The following CFAP77 variants were observed in gnomAD, a reference collection of about 807,000 sequenced individuals.
The protein encoded by CFAP77 is cilia and flagella associated protein 77.
CFAP77 carries 25 observed loss-of-function variants against 31.1 expected under a neutral mutation model. The ratio of observed to expected loss-of-function variants is 0.80; its 90% CI spans 0.59 to 1.12. The LOEUF (loss-of-function observed/expected upper bound fraction) is 1.12. CFAP77 is among the 50% of genes most tolerant of loss of function. CFAP77 has a pLI of 0.00. For synonymous variants in CFAP77, 151 were observed against 159.9 expected (o/e 0.94, Z 0.42); for missense variants, 377 against 397.3 (o/e 0.95, Z 0.44).
chr9:132,505,261 C>A (rs991806697), intron 3 of CFAP77, among the ~76,000 whole-genome samples: 5 of 152,232 alleles, frequency 3.3e-5, no homozygotes, highest in African/African-American at 1.2e-4. Context: ...GGTGCACCCC[C>A]TCTTCTCCAC....
chr9:132,479,614 C>T (rs1851412748), intron 1 of CFAP77, among the ~76,000 whole-genome samples: 1 of 152,212 alleles, frequency 6.6e-6, no homozygotes, highest in Admixed American at 6.5e-5. Context: ...TGCTGCAGAG[C>T]CATGGCCTGA....
At chr9:132,447,400 A>G (rs747338760) in intron 1 of CFAP77, among the ~76,000 whole-genome samples, 19 of 152,202 alleles carry the variant, frequency 1.2e-4, no homozygotes, top group Non-Finnish European at 2.1e-4. Flanking sequence ...TTCAAATCCC[A>G]GTTTCATTTG....
At chr9:132,531,855 A>C (rs543000338) in intron 3 of CFAP77, among the ~76,000 whole-genome samples, 15 of 152,090 alleles carry the variant, frequency 9.9e-5, no homozygotes, top group African/African-American at 3.6e-4. Context: ...CAGTAATAAG[A>C]GCTGCTGGCC....
intron 1 of CFAP77, among the ~76,000 whole-genome samples, chr9:132,439,277 G>C (rs1250967592): frequency 6.6e-6 from 1 of 152,178 alleles, no homozygotes; most frequent in South Asian, 2.1e-4. Flanking sequence ...TGGCTCATGT[G>C]GGTAGAAGCT....
chr9:132,411,141 C>T (rs73552778), intron 1 of CFAP77, among the ~76,000 whole-genome samples: 4,140 of 152,318 alleles, frequency 0.027, 202 homozygotes, highest in African/African-American at 0.093. Flanking sequence ...TGATGGGAAA[C>T]CAACACTGCT....
rs188841924 is a variant in CFAP77 at position 132,521,642 on chromosome 9, G to A, written c.525-15959G>A. On this transcript the variant is annotated intron_variant, in intron 3 of 5. Coordinates refer to ENST00000393216, the MANE Select transcript of CFAP77 (RefSeq NM_001282957.2). ...GAGAGGAGTCCAGGAAGAAGTATGG[G>A]AGGACTCTGCATTTGGGAGGGGGTA... 2.7e-3 allele frequency among the ~76,000 whole-genome samples: 413 copies of A among 152,234 alleles called. 4 individuals are homozygous for A. The highest frequency in any genetic ancestry group is 9.4e-3 in the African/African-American group (392 of 41,536).
chr9:132,567,574 A>T (rs992683143), intron 5 of CFAP77, among the ~76,000 whole-genome samples: 1 of 152,190 alleles, frequency 6.6e-6, no homozygotes, highest in Non-Finnish European at 1.5e-5. Context: ...CCATCGCTGC[A>T]TGCTGATTTG....
chr9:132,457,610 T>C (rs1850942884), intron 1 of CFAP77, among the ~76,000 whole-genome samples: 1 of 152,224 alleles, frequency 6.6e-6, no homozygotes, highest in Admixed American at 6.5e-5. Flanking sequence ...AGAAAAACTC[T>C]CGCCTTGTTG....
intron 5 of CFAP77, among the ~76,000 whole-genome samples, chr9:132,556,366 A>G (rs1281327890): frequency 6.6e-6 from 1 of 152,188 alleles, no homozygotes; most frequent in East Asian, 1.9e-4. Context: ...CCCCTCCAGA[A>G]GAAAGAGCTG....
At chr9:132,482,233 A>T (rs1254192908) in intron 1 of CFAP77, 3 of 812,720 alleles carry the variant, frequency 3.7e-6, no homozygotes, top group Middle Eastern at 2.3e-4. Context: ...AAATCTGCTC[A>T]CTCAGGGTCT....
chr9:132,423,173 T>G (rs1054384082), intron 1 of CFAP77, among the ~76,000 whole-genome samples: 1 of 152,194 alleles, frequency 6.6e-6, no homozygotes, highest in African/African-American at 2.4e-5. Flanking sequence ...GCAAGTCTTT[T>G]AAAAACTACT....
intron 3 of CFAP77, among the ~76,000 whole-genome samples, chr9:132,519,804 A>G (rs1484420789): frequency 5.6e-5 from 6 of 107,648 alleles, no homozygotes; most frequent in Admixed American, 9.1e-5. Context: ...GGATGGATGA[A>G]TGGGTGGGTG....
chr9:132,449,302 ACCCTCCTCTCCT>A (rs1850781108), intron 1 of CFAP77, among the ~76,000 whole-genome samples: 1 of 150,294 alleles, frequency 6.7e-6, no homozygotes, highest in Non-Finnish European at 1.5e-5. Flanking sequence ...GGCTGCACTC[ACCCTCCTCTCCT>A]ACTCCTGGCT....
rs112799768 is a variant in CFAP77 at position 132,480,825 on chromosome 9, C to T, written c.196-17870C>T. 6.2e-3 allele frequency among the ~76,000 whole-genome samples: 937 copies of T among 152,040 alleles called. 6 individuals are homozygous for T. The highest frequency in any genetic ancestry group is 0.02 in the Middle Eastern group (6 of 294). On this transcript the variant is annotated intron_variant, in intron 1 of 5. Transcript: ENST00000393216. This position sits in a 1 kb window ranked among gnomAD's most constrained non-coding sequence, Gnocchi z 5.8. ...GAAGGGGCCTGAAAGTTCCAGGAGC[C>T]GAAAGAAGGCCCAGGGCAGAAAGCG...
In CFAP77 at chr9:132,572,490, G is replaced by A. The variant is rs1242150759; in HGVS notation, c.835G>A (p.Gly279Ser). 1 of 1,607,586 alleles carries A rather than the reference G, an allele frequency of 6.2e-7. No individual in the cohort carries two copies. The highest frequency in any genetic ancestry group is 8.5e-7 in the Non-Finnish European group (1 of 1,179,742). Reference sequence around the variant, plus strand: ...CGTGCGCCAGGGGACCCTGCGGATGGGCAACTACACCCACCCCTAGCCCCT... The same window carrying A: ...CGTGCGCCAGGGGACCCTGCGGATGAGCAACTACACCCACCCCTAGCCCCT... ...CAVRQGTLRM[G>S]NYTHP Residue 279 changes from glycine to serine, a missense_variant, in exon 6 of 6, where the codon GGC becomes AGC. Physicochemically the swap from Gly to Ser is moderately conservative, Grantham distance 56 (BLOSUM62 0). Coordinates refer to ENST00000393216, the MANE Select transcript of CFAP77 (RefSeq NM_001282957.2).
At chr9:132,422,549 T>C (rs1233064987) in intron 1 of CFAP77, among the ~76,000 whole-genome samples, 1 of 152,176 alleles carries the variant, frequency 6.6e-6, no homozygotes, top group East Asian at 1.9e-4. Context: ...ACGAGACTGT[T>C]CCAGGCAAAA....
At chr9:132,562,350 C>T (rs547128092) in intron 5 of CFAP77, among the ~76,000 whole-genome samples, 2 of 152,336 alleles carry the variant, frequency 1.3e-5, no homozygotes, top group African/African-American at 4.8e-5. Context: ...GGCTCACTCT[C>T]CTCCCTCCCA....
At chr9:132,486,081 TA>T (rs1274801078) in intron 1 of CFAP77, among the ~76,000 whole-genome samples, 1 of 23,434 alleles carries the variant, frequency 4.3e-5, no homozygotes, top group Admixed American at 5.5e-4. Flanking sequence ...TATATATATA[TA>T]TATATATATT....
intron 5 of CFAP77, among the ~76,000 whole-genome samples, chr9:132,549,163 C>A (rs953480745): frequency 1.3e-5 from 2 of 152,180 alleles, no homozygotes; most frequent in Non-Finnish European, 2.9e-5. Flanking sequence ...CTACACCCCC[C>A]AAGCGGGCTT....
Sources: gnomAD v4.1 joint callset for allele counts (sites outside exome capture counted in the v4.1 genomes callset) on GRCh38, gnomAD v4.1.1 for gene constraint, Gnocchi (gnomAD v3.1) non-coding constraint, MANE v1.5 for transcripts, NCBI Gene and HGNC (gene_info 2026-07-23, HGNC 2026-07-21) for gene names.